Variants in GNG4 observed in about 807,000 individuals in gnomAD.
GNG4 encodes G protein subunit gamma 4.
In GNG4, 4 loss-of-function variants were observed where a neutral mutation model predicts 5.8. The observed-to-expected ratio is 0.69, with a 90% confidence interval of 0.34 to 1.57. The LOEUF (loss-of-function observed/expected upper bound fraction) is 1.57, where lower values mean the gene tolerates loss of function less well. Ranked by LOEUF, GNG4 falls within the 40% of genes most tolerant of loss-of-function variation. The pLI is 0.06. For synonymous variants in GNG4, 29 were observed against 32.9 expected (o/e 0.88, Z 0.41); for missense variants, 96 against 95.1 (o/e 1.01, Z -0.04).
chr1:235,568,823 CTTCTT>C (rs758721757), intron 3 of GNG4, among the ~76,000 whole-genome samples: 13 of 123,150 alleles, frequency 1.1e-4, no homozygotes, highest in African/African-American at 3.2e-4. Flanking sequence ...CTTCTCTTTT[CTTCTT>C]TTCTTTTCTC....
chr1:235,626,535 C>T (rs562941362), intron 1 of GNG4, among the ~76,000 whole-genome samples: 1 of 152,230 alleles, frequency 6.6e-6, no homozygotes, highest in Non-Finnish European at 1.5e-5. Flanking sequence ...AAATTCTCAC[C>T]TAATTCTGGT....
At chr1:235,561,050 G>A (rs534969378) in intron 3 of GNG4, among the ~76,000 whole-genome samples, 1 of 151,980 alleles carries the variant, frequency 6.6e-6, no homozygotes. Context: ...TCACTCTGTC[G>A]CCAGGCTGCA....
chr1:235,587,225 G>C (rs961535619), intron 2 of GNG4, among the ~76,000 whole-genome samples: 1 of 72,540 alleles, frequency 1.4e-5, no homozygotes, highest in African/African-American at 1.1e-4. Flanking sequence ...GTGTGGGTGA[G>C]TGTGAGTGTG....
At chr1:235,562,673 GAA>G (rs1195775836) in intron 3 of GNG4, among the ~76,000 whole-genome samples, 2 of 122,996 alleles carry the variant, frequency 1.6e-5, no homozygotes, top group African/African-American at 5.8e-5. Flanking sequence ...AAAAAAAAAA[GAA>G]AAAAAAAAAA....
At chr1:235,571,765 TAGGGTATAGCCTATAGATTAC>T (rs1323142724) in intron 3 of GNG4, among the ~76,000 whole-genome samples, 1 of 152,180 alleles carries the variant, frequency 6.6e-6, no homozygotes, top group Non-Finnish European at 1.5e-5. Flanking sequence ...TATTACACAA[TAGGGTATAGCCTATAGATTAC>T]AGGGTATAGC....
chr1:235,568,054 C>T (rs1687243409), intron 3 of GNG4, among the ~76,000 whole-genome samples: 1 of 152,176 alleles, frequency 6.6e-6, no homozygotes, highest in African/African-American at 2.4e-5. Flanking sequence ...CCAGCATGAC[C>T]CTATAAAGCT....
intron 1 of GNG4, among the ~76,000 whole-genome samples, chr1:235,609,763 C>T (rs548243851): frequency 3.3e-5 from 5 of 151,936 alleles, no homozygotes; most frequent in East Asian, 3.9e-4. Flanking sequence ...AAAAATTAGC[C>T]GGGTGTGGTG....
At chr1:235,561,261 G>A (rs191069042) in intron 3 of GNG4, among the ~76,000 whole-genome samples, 42 of 152,114 alleles carry the variant, frequency 2.8e-4, no homozygotes, top group East Asian at 1.4e-3. Context: ...CGCCCACCTC[G>A]GCCTCCCAAA....
At chr1:235,577,776 A>G (rs974424631) in intron 3 of GNG4, among the ~76,000 whole-genome samples, 24 of 152,038 alleles carry the variant, frequency 1.6e-4, no homozygotes, top group Non-Finnish European at 2.2e-4. Flanking sequence ...TGTTTCTGAC[A>G]TGGTGTGTGC....
intron 1 of GNG4, among the ~76,000 whole-genome samples, chr1:235,628,802 C>A (rs1688874828): frequency 6.6e-6 from 1 of 152,252 alleles, no homozygotes; most frequent in East Asian, 1.9e-4. Context: ...AGACAGCTTC[C>A]CTGCAGGAAG....
rs1280827365 is a variant in GNG4 at position 235,568,483 on chromosome 1, A to T, written c.99+15257T>A. ...TCTGTATCTCCTTTAGTGAAATTCA[A>T]TGGAATAAAATAAAATAAGTTTGCT... On this transcript the variant is annotated intron_variant, in intron 3 of 3. Coordinates refer to ENST00000391854, the MANE Select transcript of GNG4 (RefSeq NM_001098722.2). Among the ~76,000 whole-genome samples, 5 of 152,364 alleles carry T rather than the reference A, an allele frequency of 3.3e-5. No homozygotes were observed. The East Asian group carries it at 9.6e-4, about 29-fold the overall frequency.
intron 1 of GNG4, among the ~76,000 whole-genome samples, chr1:235,600,690 T>A (rs1688241029): frequency 6.6e-6 from 1 of 152,236 alleles, no homozygotes; most frequent in Admixed American, 6.5e-5. Context: ...CCCAAAGCAT[T>A]GGGATTACAG....
At chr1:235,566,371 C>T (rs1204605338) in intron 3 of GNG4, among the ~76,000 whole-genome samples, 2 of 152,172 alleles carry the variant, frequency 1.3e-5, no homozygotes, top group Admixed American at 1.3e-4. Flanking sequence ...AGCGTGAACC[C>T]TATTGTCAAC....
In GNG4 at chr1:235,575,197, G is replaced by C. The variant is rs189698561; in HGVS notation, c.99+8543C>G. Among the ~76,000 whole-genome samples, 10 of 152,276 alleles carry C rather than the reference G, an allele frequency of 6.6e-5. No homozygotes were observed. The East Asian group carries it at 1.7e-3, about 26-fold the overall frequency. ...TAAATACAGAGGGTCCCTGACGTAC[G>C]ATGGTCTGGCTGAATGATTTTTTCG... On this transcript the variant is annotated intron_variant, in intron 3 of 3. Coordinates refer to ENST00000391854, the MANE Select transcript of GNG4 (RefSeq NM_001098722.2).
intron 1 of GNG4, among the ~76,000 whole-genome samples, chr1:235,603,261 T>TTAA (rs150938328): frequency 0.017 from 2,545 of 147,612 alleles, 24 homozygotes; most frequent in Middle Eastern, 0.036. Flanking sequence ...ATAATAATAA[T>TTAA]TAATAATAAT....
chr1:235,617,181 G>A (rs1688608460), intron 1 of GNG4, among the ~76,000 whole-genome samples: 1 of 151,968 alleles, frequency 6.6e-6, no homozygotes, highest in South Asian at 2.1e-4. Flanking sequence ...CTGGACCTCC[G>A]GCTGGCCAGT....
In GNG4 at chr1:235,551,995, C is replaced by A; in HGVS notation, c.*114G>T. ...GGAAACATAAGACAAGCCCCGGCCA[C>A]TGTTGGCTGGGCAGGGATGGGTGTT... On this transcript the variant is annotated 3_prime_UTR_variant, in exon 4 of 4. Transcript: ENST00000391854. 1.2e-6 allele frequency: 1 copy of A among 800,502 alleles called. No homozygotes were observed. Among genetic ancestry groups the A allele is most frequent in the Non-Finnish European group, 2.0e-6 (1 of 492,984 alleles). 49.6% of individuals were successfully genotyped at this position (800,502 alleles called of 1,614,324 possible). A position where few individuals can be genotyped will look rare whatever the true frequency, so the allele number is the denominator to read the frequency against.
At chr1:235,587,372 T>C (rs111206098) in intron 2 of GNG4, among the ~76,000 whole-genome samples, 1 of 24,744 alleles carries the variant, frequency 4.0e-5, no homozygotes, top group Non-Finnish European at 6.5e-5. Context: ...TGTGTGTGAG[T>C]GTGTGTGTGA....
chr1:235,570,296 T>TG (rs1181086894), intron 3 of GNG4, among the ~76,000 whole-genome samples: 2 of 152,094 alleles, frequency 1.3e-5, no homozygotes, highest in Middle Eastern at 3.4e-3. Context: ...CCACAGCATG[T>TG]GTGCCACTCT....
Sources: gnomAD v4.1 joint callset for allele counts (sites outside exome capture counted in the v4.1 genomes callset) on GRCh38, gnomAD v4.1.1 for gene constraint, MANE v1.5 for transcripts, NCBI Gene and HGNC (gene_info 2026-07-23, HGNC 2026-07-21) for gene names.